Variants in ZNF676 observed in about 807,000 individuals in gnomAD.
The protein encoded by ZNF676 is zinc finger protein 676.
A neutral mutation model predicts 6.0 loss-of-function variants in ZNF676; 4 were observed. That is an observed-to-expected ratio of 0.67 (90% CI 0.33 to 1.53). The LOEUF is 1.53. Among genes scored for constraint, ZNF676 ranks in the 40% most tolerant of loss-of-function variants. ZNF676 has a pLI of 0.06. For missense variants in ZNF676, 644 were observed against 679.7 expected (o/e 0.95, Z 0.58); for synonymous variants, 198 against 223.1 (o/e 0.89, Z 1.00).
chr19:22,204,565 T>G (rs1464298291), intron 1 of ZNF676, among the ~76,000 whole-genome samples: 1 of 152,230 alleles, frequency 6.6e-6, no homozygotes. Flanking sequence ...CACTGAACTC[T>G]TCTGGCTTTC....
upstream of ZNF676, among the ~76,000 whole-genome samples, chr19:22,198,528 AT>A (rs1333796905): frequency 6.6e-6 from 1 of 151,980 alleles, no homozygotes; most frequent in Non-Finnish European, 1.5e-5. Flanking sequence ...AGAAAAGGCC[AT>A]TTTTTTCTCT....
At chr19:22,235,180 G>T in the ZNF676 span, among the ~76,000 whole-genome samples, 1 of 151,808 alleles carries the variant, frequency 6.6e-6, no homozygotes, top group Admixed American at 6.6e-5. Flanking sequence ...AACTCTAGAG[G>T]CCTCTGCTGT....
chr19:22,252,044 C>A, the ZNF676 span, among the ~76,000 whole-genome samples: 4 of 152,090 alleles, frequency 2.6e-5, no homozygotes, highest in African/African-American at 9.7e-5. Context: ...CTTAATTTTG[C>A]AGATATCAAC....
At chr19:22,239,197 ATTTT>A in the ZNF676 span, among the ~76,000 whole-genome samples, 3 of 130,086 alleles carry the variant, frequency 2.3e-5, no homozygotes, top group African/African-American at 3.1e-5. Context: ...CCAACTGTGA[ATTTT>A]TTTTTTTTTT....
the ZNF676 span, among the ~76,000 whole-genome samples, chr19:22,246,168 A>T: frequency 6.6e-6 from 1 of 152,154 alleles, no homozygotes; most frequent in South Asian, 2.1e-4. Context: ...CACATAGGTG[A>T]TTAAAAAAAG....
chr19:22,226,529 T>A, the ZNF676 span, among the ~76,000 whole-genome samples: 1 of 151,950 alleles, frequency 6.6e-6, no homozygotes, highest in South Asian at 2.1e-4. Flanking sequence ...TGAGCAAGAA[T>A]ATGTTAAAGA....
At chr19:22,205,714 T>C (rs1249290798) in intron 1 of ZNF676, among the ~76,000 whole-genome samples, 1 of 152,056 alleles carries the variant, frequency 6.6e-6, no homozygotes, top group African/African-American at 2.4e-5. Flanking sequence ...GTTAGAAAGA[T>C]CTCAGTTTAA....
At chr19:22,203,909 A>G (rs1401625892) in intron 1 of ZNF676, 5 of 152,090 alleles carry the variant, frequency 3.3e-5, no homozygotes, top group Admixed American at 2.0e-4. Context: ...CAGAATTTTA[A>G]AAGATTTATC....
chr19:22,236,517 A>G, the ZNF676 span, among the ~76,000 whole-genome samples: 1 of 152,104 alleles, frequency 6.6e-6, no homozygotes, highest in South Asian at 2.1e-4. Flanking sequence ...GTTACCCCAT[A>G]AAAGGCCAGA....
chr19:22,252,150 T>C, the ZNF676 span, among the ~76,000 whole-genome samples: 1 of 152,068 alleles, frequency 6.6e-6, no homozygotes, highest in South Asian at 2.1e-4. Context: ...ATCTTAACAC[T>C]TTGGGAGGCC....
the ZNF676 span, among the ~76,000 whole-genome samples, chr19:22,221,403 T>C: frequency 6.6e-6 from 1 of 152,196 alleles, no homozygotes; most frequent in Non-Finnish European, 1.5e-5. Flanking sequence ...AATTGATTTC[T>C]AATTTTATTC....
the ZNF676 span, among the ~76,000 whole-genome samples, chr19:22,230,019 A>G: frequency 6.6e-6 from 1 of 152,170 alleles, no homozygotes; most frequent in Non-Finnish European, 1.5e-5. Flanking sequence ...AAAGATTATA[A>G]ATCATTCTAC....
At chr19:22,251,520 T>G in the ZNF676 span, among the ~76,000 whole-genome samples, 2 of 152,184 alleles carry the variant, frequency 1.3e-5, no homozygotes, top group African/African-American at 4.8e-5. Context: ...CCAGGCACGG[T>G]GGCTCATGCC....
the ZNF676 span, among the ~76,000 whole-genome samples, chr19:22,243,054 T>G: frequency 6.6e-6 from 1 of 151,800 alleles, no homozygotes; most frequent in African/African-American, 2.4e-5. Context: ...TTACTCTCCC[T>G]TCTATGGGCA....
At chr19:22,246,441 G>C in the ZNF676 span, among the ~76,000 whole-genome samples, 143 of 152,258 alleles carry the variant, frequency 9.4e-4, no homozygotes, top group Non-Finnish European at 1.7e-3. Context: ...AAAGAGTCCA[G>C]GAAGGGGAGT....
At chr19:22,204,326 T>A (rs1378529941) in intron 1 of ZNF676, among the ~76,000 whole-genome samples, 4 of 152,222 alleles carry the variant, frequency 2.6e-5, no homozygotes, top group South Asian at 4.1e-4. Flanking sequence ...TAAGATTTTT[T>A]AAAATTATCT....
At chr19:22,183,382 G>A (rs2023788903) in intron 2 of ZNF676, among the ~76,000 whole-genome samples, 1 of 152,058 alleles carries the variant, frequency 6.6e-6, no homozygotes, top group Non-Finnish European at 1.5e-5. Context: ...TTGTTGCCCA[G>A]GCTGGAGTGC....
the ZNF676 span, among the ~76,000 whole-genome samples, chr19:22,251,091 A>G: frequency 6.6e-6 from 1 of 152,326 alleles, no homozygotes; most frequent in African/African-American, 2.4e-5. Context: ...CCCAACTCAC[A>G]GGTATCTGAT....
At position 22,180,618 on chromosome 19, in the gene ZNF676, A is replaced by T. The variant is rs752457199; in HGVS notation, c.1099T>A (p.Cys367Ser). ...CTAAAGGCTTTGCCACATCCTTCAC[A>T]TTTGTAGGGTTTCTCTCCAGTATGA... ...IIHTGEKPYK[C>S]EGCGKAFSKV... Residue 367 changes from cysteine (C) to serine (S), a missense_variant, in exon 3 of 3, where the codon TGT becomes AGT. Cys to Ser is a moderately radical substitution (Grantham distance 112). Around this residue, in one of 5 missense-constraint regions of ZNF676, gnomAD observed 306 missense variants for 265.4 expected, o/e 1.15. Coordinates refer to ENST00000397121, the MANE Select transcript of ZNF676 (RefSeq NM_001001411.3). 27 of 1,612,402 alleles carry T rather than the reference A, an allele frequency of 1.7e-5. No individual in the cohort carries two copies. Among genetic ancestry groups the T allele is most frequent in the Non-Finnish European group, 1.3e-5 (15 of 1,179,534 alleles).
Sources: allele counts gnomAD v4.1 joint callset (sites outside exome capture counted in the v4.1 genomes callset), GRCh38; gene constraint gnomAD v4.1.1; regional missense constraint gnomAD v4.1.1; transcripts MANE v1.5; gene names NCBI Gene and HGNC (gene_info 2026-07-23, HGNC 2026-07-21).